Variants in CORO2B observed in about 807,000 individuals in gnomAD.
CORO2B encodes the protein coronin 2B, also known as coronin-2B.
CORO2B carries 26 observed loss-of-function variants against 58.8 expected under a neutral mutation model. The ratio of observed to expected loss-of-function variants is 0.44; its 90% CI spans 0.32 to 0.61. CORO2B has a LOEUF of 0.61. Ranked by LOEUF, CORO2B falls within the 20% of genes least tolerant of loss-of-function variation. The probability of loss-of-function intolerance (pLI) is 0.04; values close to 1 mark genes in which losing one functional copy is unlikely to be tolerated. For missense variants in CORO2B, 460 were observed against 645.1 expected, an observed-to-expected ratio of 0.71 and a Z score of 3.11; for synonymous variants, 242 against 253.8, an observed-to-expected ratio of 0.95 and a Z score of 0.44.
rs559899312 is a variant in CORO2B at position 68,653,960 on chromosome 15, T to C, written c.216+8600T>C. ...GCCTTTTCCAAATCCATTTTTCAGA[T>C]CTTTCCTCAATCGTTCTTTGTTCTT... On this transcript the variant is annotated intron_variant, in intron 2 of 11. Transcript: ENST00000261861. Among the ~76,000 whole-genome samples the C allele has an allele frequency of 3.3e-5, 5 of 152,324 alleles. No homozygotes were observed. In the East Asian group the frequency reaches 9.6e-4, roughly 29 times the overall value.
At chr15:68,537,583 CA>C in the CORO2B span, among the ~76,000 whole-genome samples, 4 of 152,054 alleles carry the variant, frequency 2.6e-5, no homozygotes, top group Non-Finnish European at 4.4e-5. Flanking sequence ...CTGCACCTGT[CA>C]ACCCGTCACC....
intron 2 of CORO2B, among the ~76,000 whole-genome samples, chr15:68,679,883 G>A (rs1212747439): frequency 6.6e-6 from 1 of 152,208 alleles, no homozygotes; most frequent in African/African-American, 2.4e-5. Context: ...TTACCTCGGA[G>A]GTGGTGCATC....
chr15:68,557,219 T>A, the CORO2B span, among the ~76,000 whole-genome samples: 1 of 152,198 alleles, frequency 6.6e-6, no homozygotes, highest in Admixed American at 6.5e-5. Flanking sequence ...GAGGATCACA[T>A]TATAGAGCTG....
chr15:68,653,312 A>G (rs1393544323), intron 2 of CORO2B, among the ~76,000 whole-genome samples: 1 of 152,182 alleles, frequency 6.6e-6, no homozygotes, highest in East Asian at 1.9e-4. Flanking sequence ...TTGACCACCT[A>G]GAGTTTGTAG....
At chr15:68,627,593 G>A (rs1019950310) in intron 1 of CORO2B, among the ~76,000 whole-genome samples, 25 of 152,198 alleles carry the variant, frequency 1.6e-4, no homozygotes, top group African/African-American at 5.6e-4. Flanking sequence ...GCTCGTGGGA[G>A]AGGAGACTCT....
chr15:68,724,494 G>C (rs900192375), intron 11 of CORO2B, among the ~76,000 whole-genome samples: 2 of 152,118 alleles, frequency 1.3e-5, no homozygotes, highest in Non-Finnish European at 2.9e-5. Flanking sequence ...TCTGTAGTGT[G>C]TCGGTTTAAG....
At chr15:68,574,516 G>C (rs1899242540), upstream of CORO2B, among the ~76,000 whole-genome samples, 1 of 152,160 alleles carries the variant, frequency 6.6e-6, no homozygotes, top group African/African-American at 2.4e-5. Flanking sequence ...CTGGGCAGAT[G>C]CTGGGCAAAG....
intron 1 of CORO2B, among the ~76,000 whole-genome samples, chr15:68,641,196 G>T (rs898862189): frequency 2.6e-5 from 4 of 152,184 alleles, no homozygotes; most frequent in African/African-American, 9.7e-5. Flanking sequence ...TCATTCTAGG[G>T]CCTGCCCAGG....
At chr15:68,702,135 G>A (rs937586869) in intron 3 of CORO2B, among the ~76,000 whole-genome samples, 1 of 152,024 alleles carries the variant, frequency 6.6e-6, no homozygotes, top group Admixed American at 6.6e-5. Flanking sequence ...AATCAGGTAC[G>A]GGCACGGGCA....
At chr15:68,549,039 T>C in the CORO2B span, among the ~76,000 whole-genome samples, 2 of 151,538 alleles carry the variant, frequency 1.3e-5, no homozygotes, top group South Asian at 4.2e-4. Flanking sequence ...TCCCAAACCA[T>C]AAAGATACTC....
rs74420884 is a variant in CORO2B at position 68,670,807 on chromosome 15, G to A, written c.217-24333G>A. 3.2e-3 allele frequency among the ~76,000 whole-genome samples: 482 copies of A among 152,272 alleles called. 16 individuals are homozygous for A. In the East Asian group the frequency reaches 0.083, roughly 26 times the overall value. ...GCAGATAAAAATATTATAATATTGG[G>A]TGCTGTCAGGGTTATAGGGAAATGG... On this transcript the variant is annotated intron_variant, in intron 2 of 11. Transcript: ENST00000261861.
intron 1 of CORO2B, among the ~76,000 whole-genome samples, chr15:68,633,514 T>TAC (rs147873341): frequency 0.012 from 1,776 of 144,062 alleles, 23 homozygotes; most frequent in East Asian, 0.038. Context: ...TACTCCAACA[T>TAC]ACACACACAC....
At chr15:68,596,600 G>A (rs932260118) in intron 1 of CORO2B, among the ~76,000 whole-genome samples, 25 of 152,108 alleles carry the variant, frequency 1.6e-4, no homozygotes, top group African/African-American at 5.8e-4. Flanking sequence ...AATACTTCTC[G>A]ACTGACTGGG....
intron 2 of CORO2B, among the ~76,000 whole-genome samples, chr15:68,648,029 CAAAAAAAAA>C (rs59821203): frequency 1.2e-5 from 1 of 84,306 alleles, no homozygotes; most frequent in African/African-American, 5.2e-5. Context: ...TCCTGTCTCT[CAAAAAAAAA>C]AAAAAAAAAA....
At chr15:68,686,315 A>G (rs1902978105) in intron 2 of CORO2B, among the ~76,000 whole-genome samples, 1 of 151,556 alleles carries the variant, frequency 6.6e-6, no homozygotes, top group South Asian at 2.1e-4. Flanking sequence ...GGATTACAGG[A>G]GTGAGCCACC....
At chr15:68,597,748 C>T (rs1899875870) in intron 1 of CORO2B, among the ~76,000 whole-genome samples, 1 of 152,170 alleles carries the variant, frequency 6.6e-6, no homozygotes, top group African/African-American at 2.4e-5. Context: ...AGAGGAACCT[C>T]GGGCAAAAGT....
intron 1 of CORO2B, among the ~76,000 whole-genome samples, chr15:68,619,268 C>G (rs531410509): frequency 1.8e-3 from 276 of 152,212 alleles, no homozygotes; most frequent in Non-Finnish European, 3.5e-3. Context: ...TGCCTTAGAT[C>G]ACCTACCCTC....
chr15:68,641,425 A>C, intron 1 of CORO2B: 1 of 587,444 alleles, frequency 1.7e-6, no homozygotes, highest in Non-Finnish European at 2.1e-6. Flanking sequence ...AGGACTGGGG[A>C]GCTGGGGATT....
chr15:68,635,526 C>CA (rs1458743817), intron 1 of CORO2B, among the ~76,000 whole-genome samples: 6 of 152,186 alleles, frequency 3.9e-5, no homozygotes, highest in African/African-American at 1.4e-4. Flanking sequence ...ACCCCCAGGG[C>CA]AGGAAGCTTG....
Sources: allele counts gnomAD v4.1 joint callset (sites outside exome capture counted in the v4.1 genomes callset), GRCh38; gene constraint gnomAD v4.1.1; transcripts MANE v1.5; gene names NCBI Gene and HGNC (gene_info 2026-07-23, HGNC 2026-07-21).